PCSK5: variants seen among roughly 807,000 people sequenced by gnomAD.
The protein encoded by PCSK5 is prohormone convertase 5.
Under a neutral mutation model 233.2 loss-of-function variants are expected in PCSK5, and 129 were observed. That is an observed-to-expected ratio of 0.55 (90% CI 0.48 to 0.64). The LOEUF is 0.64. Among genes scored for constraint, PCSK5 ranks in the 30% least tolerant of loss-of-function variants. The pLI is 0.00. For synonymous variants in PCSK5, 825 were observed against 879.2 expected (o/e 0.94, Z 1.09); for missense variants, 2,076 against 2,430.1 (o/e 0.85, Z 3.06).
intron 16 of PCSK5, among the ~76,000 whole-genome samples, chr9:76,184,108 G>T (rs1377722275): frequency 6.6e-6 from 1 of 152,140 alleles, no homozygotes; most frequent in African/African-American, 2.4e-5. Context: ...CAATTCCACT[G>T]CAGCTGTAAA....
intron 35 of PCSK5, among the ~76,000 whole-genome samples, chr9:76,350,442 C>A (rs563606612): frequency 6.6e-6 from 1 of 152,290 alleles, no homozygotes; most frequent in Admixed American, 6.5e-5. Flanking sequence ...TAGAAACTGT[C>A]TATTCATGAT....
intron 30 of PCSK5, among the ~76,000 whole-genome samples, chr9:76,318,537 G>A (rs1408786585): frequency 6.6e-6 from 1 of 152,146 alleles, no homozygotes; most frequent in Non-Finnish European, 1.5e-5. Context: ...ATATTTGAGA[G>A]GATTGGGGTT....
chr9:75,987,711 C>T (rs979801600), intron 3 of PCSK5, among the ~76,000 whole-genome samples: 1 of 152,136 alleles, frequency 6.6e-6, no homozygotes, highest in Non-Finnish European at 1.5e-5. Context: ...GCATCCTTAG[C>T]CCCAGTAGCC....
chr9:76,244,439 A>G (rs1326212152), intron 24 of PCSK5, among the ~76,000 whole-genome samples: 1 of 152,136 alleles, frequency 6.6e-6, no homozygotes, highest in African/African-American at 2.4e-5. Context: ...TTCCATTTTA[A>G]TAATGTAGAT....
chr9:76,172,494 C>T (rs913582753), intron 13 of PCSK5, among the ~76,000 whole-genome samples: 1 of 151,940 alleles, frequency 6.6e-6, no homozygotes, highest in Admixed American at 6.6e-5. Flanking sequence ...GGAAGGATAT[C>T]CCTAGTGGGC....
rs988541837 is a variant in PCSK5 at position 76,313,414 on chromosome 9, C to T, written c.3884+2563C>T. The stretch of plus-strand genomic sequence containing the variant: ...CATCAACCTAGAAAGAAACCCTATA[C>T]CCTTTTAGCTGTTATTCCTACTTTT... On this transcript the variant is annotated intron_variant, in intron 30 of 37. Transcript: ENST00000674117. 3.9e-5 allele frequency among the ~76,000 whole-genome samples: 6 copies of T among 152,288 alleles called. No homozygotes were observed. In the South Asian group the frequency reaches 1.0e-3, roughly 26 times the overall value.
At chr9:76,042,825 ATG>A (rs1475969498) in intron 5 of PCSK5, among the ~76,000 whole-genome samples, 2 of 152,186 alleles carry the variant, frequency 1.3e-5, no homozygotes, top group Non-Finnish European at 2.9e-5. Context: ...TCACATAGTG[ATG>A]TTCCTTGAGA....
chr9:76,087,603 C>T (rs957818082), intron 7 of PCSK5, among the ~76,000 whole-genome samples: 1 of 152,182 alleles, frequency 6.6e-6, no homozygotes, highest in African/African-American at 2.4e-5. Context: ...TTATTAGGCT[C>T]TCTATTTTTT....
intron 3 of PCSK5, among the ~76,000 whole-genome samples, chr9:76,016,924 G>A (rs1178276972): frequency 1.3e-5 from 2 of 151,536 alleles, no homozygotes; most frequent in Non-Finnish European, 2.9e-5. Context: ...AGCATATCTT[G>A]TAGATCACAG....
intron 21 of PCSK5, among the ~76,000 whole-genome samples, chr9:76,228,638 C>A (rs73460370): frequency 0.033 from 4,979 of 152,302 alleles, 270 homozygotes; most frequent in African/African-American, 0.11. Context: ...TATTTTCAGT[C>A]AATGCTCCTC....
intron 3 of PCSK5, among the ~76,000 whole-genome samples, chr9:75,996,291 C>A (rs536954583): frequency 1.9e-4 from 29 of 151,662 alleles, no homozygotes; most frequent in Admixed American, 3.3e-4. Flanking sequence ...TTATTTTTTC[C>A]AAGAACCTAT....
At chr9:76,092,912 T>C (rs550161431) in intron 7 of PCSK5, among the ~76,000 whole-genome samples, 1 of 152,296 alleles carries the variant, frequency 6.6e-6, no homozygotes, top group East Asian at 1.9e-4. Flanking sequence ...TGTTCTTGTT[T>C]CTTTTTATAA....
At chr9:76,224,911 C>A (rs1233543560) in intron 20 of PCSK5, among the ~76,000 whole-genome samples, 4 of 152,164 alleles carry the variant, frequency 2.6e-5, no homozygotes, top group Non-Finnish European at 4.4e-5. Flanking sequence ...AGACTTTGAG[C>A]GCAGACATGA....
chr9:75,997,845 G>T (rs1227295635), intron 3 of PCSK5, among the ~76,000 whole-genome samples: 1 of 152,106 alleles, frequency 6.6e-6, no homozygotes, highest in Non-Finnish European at 1.5e-5. Flanking sequence ...CAAACATTTG[G>T]TACAAGAGTT....
chr9:76,081,502 A>AATAAATAC, intron 7 of PCSK5, among the ~76,000 whole-genome samples: 1 of 152,134 alleles, frequency 6.6e-6, no homozygotes, highest in African/African-American at 2.4e-5. Context: ...TAAATAAATA[A>AATAAATAC]ATACATAAAA....
At chr9:76,344,246 A>C (rs1829916578) in intron 35 of PCSK5, among the ~76,000 whole-genome samples, 1 of 152,114 alleles carries the variant, frequency 6.6e-6, no homozygotes, top group South Asian at 2.1e-4. Flanking sequence ...CTGAGGCTGA[A>C]TCCTATTAGG....
intron 3 of PCSK5, among the ~76,000 whole-genome samples, chr9:75,987,316 T>A (rs532184792): frequency 3.9e-5 from 6 of 152,154 alleles, no homozygotes; most frequent in Non-Finnish European, 7.3e-5. Context: ...TTTTCCCTCC[T>A]CTGGTCTCTT....
chr9:76,031,825 T>G (rs529793968), intron 5 of PCSK5, among the ~76,000 whole-genome samples: 35 of 152,364 alleles, frequency 2.3e-4, no homozygotes, highest in African/African-American at 7.9e-4. Flanking sequence ...ATCTAATTCT[T>G]GATAAATAAC....
chr9:75,912,111 A>G (rs1312554130), intron 1 of PCSK5, among the ~76,000 whole-genome samples: 7 of 152,250 alleles, frequency 4.6e-5, no homozygotes, highest in African/African-American at 1.7e-4. Context: ...AAAGAACAAC[A>G]AAAAAGCAGG....
Sources: gnomAD v4.1 joint callset for allele counts (sites outside exome capture counted in the v4.1 genomes callset) on GRCh38, gnomAD v4.1.1 for gene constraint, MANE v1.5 for transcripts, NCBI Gene and HGNC (gene_info 2026-07-23, HGNC 2026-07-21) for gene names.